SRPX2: variants seen among roughly 807,000 people sequenced by gnomAD.
SRPX2 encodes the protein sushi repeat-containing protein SRPX2.
A neutral mutation model predicts 45.3 loss-of-function variants in SRPX2; 26 were observed. That is an observed-to-expected ratio of 0.57 (90% confidence interval 0.42 to 0.80). The LOEUF (loss-of-function observed/expected upper bound fraction) is 0.80, where lower values mean the gene tolerates loss of function less well. Ranked by LOEUF, SRPX2 falls within the 30% of genes least tolerant of loss-of-function variation. The pLI is 0.00. For missense variants in SRPX2, 355 were observed against 399.8 expected (o/e 0.89, Z 0.95); for synonymous variants, 125 against 143.7 (o/e 0.87, Z 0.93).
In SRPX2 at chrX:100,673,417, AG is replaced by A. The variant is rs1424497603; in HGVS notation, c.*2434del. 1 of 111,544 alleles carries A rather than the reference AG, an allele frequency of 9.0e-6. No individual in the cohort carries two copies. Among genetic ancestry groups the A allele is most frequent in the African/African-American group, 3.3e-5 (1 of 30,605 alleles). 9.2% of individuals were successfully genotyped at this position (111,544 alleles called of 1,213,427 possible). The stretch of plus-strand genomic sequence containing the variant: ...TTTGAGAAATCCCAACTCCTAAAGT[AG>A]GGGAGAGACAGCAGCAGAATATGAC... On this transcript the variant is annotated 3_prime_UTR_variant, in exon 11 of 11. Transcript: ENST00000373004.
At chrX:100,646,468 G>C in intron 2 of SRPX2, 64 bp downstream of exon 2, 1 of 1,007,956 alleles carries the variant, frequency 9.9e-7, no homozygotes, top group Non-Finnish European at 1.4e-6. Flanking sequence ...AAGACTTGGA[G>C]AAGGAAGAGT....
intron 10 of SRPX2, 27 bp downstream of exon 10, chrX:100,669,396 G>C (rs752484351): frequency 1.5e-5 from 15 of 1,000,105 alleles, no homozygotes; most frequent in Middle Eastern, 7.5e-4. Flanking sequence ...TGCCAAACTT[G>C]GGGGGAGGGG....
intron 2 of SRPX2, among the ~76,000 whole-genome samples, chrX:100,647,339 C>G (rs940385640): frequency 2.7e-5 from 3 of 112,789 alleles, no homozygotes; most frequent in Non-Finnish European, 5.6e-5. Context: ...TTTCCACATG[C>G]CCTTAGCTCC....
Position 100,645,961 on chromosome X carries a change from C to T in SRPX2, c.-130-232C>T, listed in dbSNP as rs776334995. ...CTGTGTAACTTCATGTTGGCCTTTT[C>T]CTGGTCTCAGTACTTCAATGTCCCT... On this transcript the variant is annotated intron_variant, in intron 1 of 10. Coordinates refer to ENST00000373004, the MANE Select transcript of SRPX2 (RefSeq NM_014467.3). 172 of 220,754 alleles carry T rather than the reference C, an allele frequency of 7.8e-4. 1 individual carries two copies. The highest frequency in any genetic ancestry group is 4.9e-3 in the African/African-American group (168 of 34,576). 18.2% of individuals were successfully genotyped at this position (220,754 alleles called of 1,213,427 possible).
intron 10 of SRPX2, among the ~76,000 whole-genome samples, chrX:100,670,363 A>G (rs1305487437): frequency 1.8e-5 from 2 of 111,614 alleles, no homozygotes; most frequent in Non-Finnish European, 3.8e-5. Flanking sequence ...TCAGAGGGAG[A>G]CTGCAGACTT....
rs762246741 is a variant in SRPX2, at chrX:100,675,452, G to A, written c.*4465G>A. The A allele has an allele frequency of 1.8e-5, 2 of 112,798 alleles. No homozygotes were observed. The highest frequency in any genetic ancestry group is 3.7e-5 in the Non-Finnish European group (2 of 53,357). 9.3% of individuals were successfully genotyped at this position (112,798 alleles called of 1,213,427 possible). ...ATTAGACCAAAGCAAGGTGGAAACT[G>A]CTTAAAAACTAGAAAAGTTAAATTT... On this transcript the variant is annotated 3_prime_UTR_variant, in exon 11 of 11. Transcript: ENST00000373004.
chrX:100,645,571 T>C lies in SRPX2; in HGVS notation c.-130-622T>C, dbSNP rs146203286. Among the ~76,000 whole-genome samples the C allele has an allele frequency of 6.9e-3, 769 of 112,019 alleles. 5 individuals are homozygous for C. The highest frequency in any genetic ancestry group is 0.022 in the African/African-American group (692 of 30,836). On this transcript the variant is annotated intron_variant, in intron 1 of 10. Transcript: ENST00000373004. ...AGCTAAGAACAGAGCCAGAGTCCAG[T>C]TACTGCCTGGGACACTAGAGAAGGG...
chrX:100,667,128 T>C (rs1386649040), intron 8 of SRPX2, 146 bp from the exon 9 acceptor site: 2 of 1,037,903 alleles, frequency 1.9e-6, no homozygotes, highest in African/African-American at 3.7e-5. Context: ...AATCTCTAAG[T>C]GTTCTTTTAG....
intron 4 of SRPX2, among the ~76,000 whole-genome samples, chrX:100,663,170 A>C (rs1228290703): frequency 9.0e-6 from 1 of 110,735 alleles, no homozygotes; most frequent in Non-Finnish European, 1.9e-5. Flanking sequence ...ACGAGAAAAG[A>C]AGCTTGATAG....
At chrX:100,669,183 C>T in intron 9 of SRPX2, 65 bp from the exon 10 acceptor site, 1 of 1,204,723 alleles carries the variant, frequency 8.3e-7, no homozygotes. Flanking sequence ...CAGGAGGAAT[C>T]AGCCAAGTAG....
chrX:100,650,321 T>G (rs12840319), intron 2 of SRPX2: 2 of 130,875 alleles, frequency 1.5e-5, no homozygotes, highest in East Asian at 2.1e-4. Flanking sequence ...TGAGTAATTG[T>G]TTTTTTTTGA....
chrX:100,662,040 A>G (rs1000893151), intron 3 of SRPX2, 136 bp from the exon 4 acceptor site: 2 of 610,991 alleles, frequency 3.3e-6, no homozygotes, highest in Admixed American at 5.8e-5. Flanking sequence ...CACTTTTGTC[A>G]AAAATCATTT....
Position 100,646,200 on chromosome X carries a change from A to G in SRPX2, c.-123A>G, listed in dbSNP as rs1037484103. 5 of 594,372 alleles carry G rather than the reference A, an allele frequency of 8.4e-6. No homozygotes were observed. The African/African-American group carries it at 8.8e-5, about 10-fold the overall frequency. The allele number at this position is 594,372 out of a possible 1,213,427, so 49.0% of individuals were successfully genotyped here. The stretch of plus-strand genomic sequence containing the variant: ...CTCTCTTCTTCCTCACAGATCCCAT[A>G]TTTCTGCTTCCCCTCACTTTTAGAA... On this transcript the variant is annotated 5_prime_UTR_variant, in exon 2 of 11. It adds an upstream start codon to the 5' untranslated region. Transcript: ENST00000373004.
chrX:100,649,737 C>T (rs768366069), intron 2 of SRPX2, among the ~76,000 whole-genome samples: 2 of 111,205 alleles, frequency 1.8e-5, no homozygotes, highest in Non-Finnish European at 3.8e-5. Context: ...GAGGAGGAGG[C>T]GAGCTTGTGG....
At chrX:100,658,061 G>A (rs773380154) in intron 3 of SRPX2, among the ~76,000 whole-genome samples, 1 of 112,691 alleles carries the variant, frequency 8.9e-6, no homozygotes, top group Non-Finnish European at 1.9e-5. Flanking sequence ...TCAAGAGGCT[G>A]TCTCTTCACT....
chrX:100,670,732 A>C lies in SRPX2; in HGVS notation c.1218-75A>C, dbSNP rs2083221584. On this transcript the variant is annotated intron_variant, in intron 10 of 10. Transcript: ENST00000373004. The stretch of plus-strand genomic sequence containing the variant: ...TTAGTCCATGAGTGGAGCTGCAAAA[A>C]GTCAGAGGGTAGTAGAGCCTGTGGG... The C allele has an allele frequency of 2.7e-6, 3 of 1,130,529 alleles. No homozygotes were observed. The East Asian group carries it at 9.0e-5, about 34-fold the overall frequency. 93.2% of individuals were successfully genotyped at this position (1,130,529 alleles called of 1,213,427 possible).
At chrX:100,660,943 A>C (rs1001120148) in intron 3 of SRPX2, 2 of 112,697 alleles carry the variant, frequency 1.8e-5, no homozygotes, top group Admixed American at 9.3e-5. Context: ...TCTCGTGTAC[A>C]GGATTTTGTG....
At position 100,662,104 on chromosome X, in the gene SRPX2, A is replaced by G. The variant is rs1046669231; in HGVS notation, c.164-72A>G. 5 of 1,083,916 alleles carry G rather than the reference A, an allele frequency of 4.6e-6. No homozygotes were observed. In the Admixed American group the frequency reaches 1.1e-4, roughly 24 times the overall value. 89.3% of individuals were successfully genotyped at this position (1,083,916 alleles called of 1,213,427 possible). On this transcript the variant is annotated intron_variant, in intron 3 of 10. Transcript: ENST00000373004. ...GCTCTCTATTTTTTTCCATTGACCT[A>G]TTTGTCTTTTCACCAACACCACACT...
chrX:100,657,268 G>A (rs1463384803), intron 3 of SRPX2, among the ~76,000 whole-genome samples: 1 of 104,192 alleles, frequency 9.6e-6, no homozygotes, highest in African/African-American at 3.5e-5. Flanking sequence ...GTTTTCCATA[G>A]TGGTTATATT....
Sources: allele counts gnomAD v4.1 joint callset (sites outside exome capture counted in the v4.1 genomes callset), GRCh38; gene constraint gnomAD v4.1.1; transcripts MANE v1.5; gene names NCBI Gene and HGNC (gene_info 2026-07-23, HGNC 2026-07-21).